Variants in MCTP1 observed in about 807,000 individuals in gnomAD.
The protein encoded by MCTP1 is multiple C2 and transmembrane domain containing 1.
In MCTP1, 69 loss-of-function variants were observed where a neutral mutation model predicts 120.6. That is an observed-to-expected ratio of 0.57 (90% CI 0.47 to 0.70). The LOEUF (loss-of-function observed/expected upper bound fraction) is 0.70. MCTP1 is among the 30% of genes least tolerant of loss of function. The pLI, the probability that MCTP1 is intolerant of heterozygous loss-of-function variation, is 0.00. For synonymous variants in MCTP1, 529 were observed against 493.1 expected (o/e 1.07, Z -0.96); for missense variants, 1,203 against 1,248.8 (o/e 0.96, Z 0.55).
chr5:95,084,025 T>C (rs1755240909), intron 1 of MCTP1, among the ~76,000 whole-genome samples: 1 of 152,120 alleles, frequency 6.6e-6, no homozygotes, highest in Admixed American at 6.5e-5. Flanking sequence ...TATGAGTATA[T>C]ACATTTTTTA....
At chr5:95,274,611 T>C (rs977480365) in intron 1 of MCTP1, among the ~76,000 whole-genome samples, 3 of 126,824 alleles carry the variant, frequency 2.4e-5, no homozygotes, top group African/African-American at 9.3e-5. Context: ...TTTCTCCTTC[T>C]CCAATTACTG....
intron 20 of MCTP1, 28 bp from the exon 21 acceptor site, chr5:94,710,955 T>A (rs2152537029): frequency 2.8e-6 from 4 of 1,420,656 alleles, no homozygotes; most frequent in African/African-American, 2.8e-5. Flanking sequence ...ACATCAGCAA[T>A]CTGAGTACTT....
chr5:94,991,269 A>G (rs1269224617), intron 2 of MCTP1, among the ~76,000 whole-genome samples: 1 of 152,178 alleles, frequency 6.6e-6, no homozygotes, highest in Admixed American at 6.5e-5. Context: ...GAGATGTGCT[A>G]TCTTGTCACC....
intron 19 of MCTP1, among the ~76,000 whole-genome samples, chr5:94,759,995 G>A (rs1421047833): frequency 1.7e-5 from 2 of 117,170 alleles, no homozygotes; most frequent in Admixed American, 9.7e-5. Context: ...TTTTTGGTAC[G>A]AAAAATAATC....
intron 1 of MCTP1, among the ~76,000 whole-genome samples, chr5:95,134,385 G>C (rs1759279928): frequency 6.6e-6 from 1 of 152,286 alleles, no homozygotes; most frequent in Non-Finnish European, 1.5e-5. Flanking sequence ...TATCAGTATT[G>C]CTGTGGAACA....
intron 1 of MCTP1, among the ~76,000 whole-genome samples, chr5:95,225,065 T>G (rs901759605): frequency 9.2e-5 from 14 of 151,616 alleles, no homozygotes; most frequent in Admixed American, 2.0e-4. Flanking sequence ...ACCACAGAGA[T>G]TTTTTTTCTT....
At chr5:94,763,083 GTTTC>G (rs1033434201) in intron 19 of MCTP1, among the ~76,000 whole-genome samples, 17 of 151,930 alleles carry the variant, frequency 1.1e-4, no homozygotes, top group African/African-American at 3.9e-4. Context: ...TCTCAAATTT[GTTTC>G]TTTCTATTAT....
chr5:95,185,328 A>G (rs1288105802), intron 1 of MCTP1, among the ~76,000 whole-genome samples: 1 of 152,210 alleles, frequency 6.6e-6, no homozygotes, highest in Non-Finnish European at 1.5e-5. Flanking sequence ...ATAACATACC[A>G]TGACCAAGTT....
chr5:94,905,350 A>G (rs190542601), intron 10 of MCTP1, among the ~76,000 whole-genome samples: 2 of 152,330 alleles, frequency 1.3e-5, no homozygotes, highest in Non-Finnish European at 2.9e-5. Context: ...ATGCAAAACA[A>G]TTAAAGGATT....
rs1764750082 is a variant in MCTP1 at position 94,738,364 on chromosome 5, A to G, written c.2611-23478T>C. Among the ~76,000 whole-genome samples the G allele has an allele frequency of 2.6e-5, 4 of 152,140 alleles. No individual in the cohort carries two copies. In the South Asian group the frequency reaches 8.3e-4, roughly 32 times the overall value. Reference sequence around the variant, plus strand: ...CCTCTGCTTGAGAAAAATGAAACAAATTTGTTTGCAATACATTCAGTAGAA... The same window carrying G: ...CCTCTGCTTGAGAAAAATGAAACAAGTTTGTTTGCAATACATTCAGTAGAA... On this transcript the variant is annotated intron_variant, in intron 19 of 22. Coordinates refer to ENST00000515393, the MANE Select transcript of MCTP1 (RefSeq NM_024717.7).
chr5:95,056,072 C>T (rs1747319688), intron 1 of MCTP1, among the ~76,000 whole-genome samples: 1 of 152,038 alleles, frequency 6.6e-6, no homozygotes, highest in South Asian at 2.1e-4. Context: ...TGACACCAAT[C>T]AAAATATAAA....
At position 94,917,884 on chromosome 5, in the gene MCTP1, G is replaced by A. The variant is rs976791891; in HGVS notation, c.1350+12C>T. 3.1e-6 allele frequency: 5 copies of A among 1,607,964 alleles called. No individual in the cohort carries two copies. Among genetic ancestry groups the A allele is most frequent in the Non-Finnish European group, 4.3e-6 (5 of 1,174,562 alleles). ...TCAGAAAAAAATAAATGAACTGAAT[G>A]GTTGAACTTACTTGTACATTTTTGC... On this transcript the variant is annotated intron_variant, in intron 8 of 22. Coordinates refer to ENST00000515393, the MANE Select transcript of MCTP1 (RefSeq NM_024717.7).
chr5:95,122,784 G>T (rs111283606), intron 1 of MCTP1, among the ~76,000 whole-genome samples: 15 of 152,232 alleles, frequency 9.9e-5, no homozygotes, highest in African/African-American at 3.6e-4. Context: ...AAGAAAATGT[G>T]ATACATATAC....
chr5:95,019,935 T>C (rs190138638), intron 1 of MCTP1, among the ~76,000 whole-genome samples: 2 of 152,246 alleles, frequency 1.3e-5, no homozygotes, highest in East Asian at 3.9e-4. Flanking sequence ...ATAAGCAAGA[T>C]TTAAATTCAG....
intron 1 of MCTP1, among the ~76,000 whole-genome samples, chr5:95,227,433 T>C (rs1464019776): frequency 1.3e-5 from 2 of 152,178 alleles, no homozygotes; most frequent in African/African-American, 4.8e-5. Flanking sequence ...CATTTCACGA[T>C]GAAACCCAAG....
At chr5:95,183,630 T>A (rs931126378) in intron 1 of MCTP1, among the ~76,000 whole-genome samples, 24 of 151,836 alleles carry the variant, frequency 1.6e-4, no homozygotes, top group African/African-American at 5.8e-4. Context: ...AAAGACAAAC[T>A]ACTGACTAAA....
At chr5:94,741,033 A>C (rs963963533) in intron 19 of MCTP1, among the ~76,000 whole-genome samples, 3 of 152,184 alleles carry the variant, frequency 2.0e-5, no homozygotes, top group Admixed American at 2.0e-4. Context: ...GCTGGTGGGG[A>C]AGCTGTCAAG....
At chr5:95,116,143 A>T (rs990018270) in intron 1 of MCTP1, among the ~76,000 whole-genome samples, 1 of 152,168 alleles carries the variant, frequency 6.6e-6, no homozygotes, top group African/African-American at 2.4e-5. Context: ...CTATCCTACA[A>T]AAAAATGCTA....
intron 1 of MCTP1, among the ~76,000 whole-genome samples, chr5:95,030,778 T>C (rs553665998): frequency 1.4e-3 from 214 of 152,276 alleles, no homozygotes; most frequent in Non-Finnish European, 2.6e-3. Context: ...TTGATACTTT[T>C]AAAGGACTAC....
Sources: allele counts gnomAD v4.1 joint callset (sites outside exome capture counted in the v4.1 genomes callset), GRCh38; gene constraint gnomAD v4.1.1; transcripts MANE v1.5; gene names NCBI Gene and HGNC (gene_info 2026-07-23, HGNC 2026-07-21).